The following SEMA3A variants were observed in gnomAD, a reference collection of about 807,000 sequenced individuals.
SEMA3A encodes the protein semaphorin 3A, also known as semaphorin-3A.
SEMA3A carries 29 observed loss-of-function variants against 97.9 expected under a neutral mutation model. The observed-to-expected ratio is 0.30, with a 90% confidence interval of 0.22 to 0.40. The LOEUF (loss-of-function observed/expected upper bound fraction) is 0.40, where lower values mean the gene tolerates loss of function less well. Ranked by LOEUF, SEMA3A falls within the 10% of genes least tolerant of loss-of-function variation. The pLI, the probability that SEMA3A is intolerant of heterozygous loss-of-function variation, is 1.00. For synonymous variants in SEMA3A, 321 were observed against 323.7 expected, an observed-to-expected ratio of 0.99 and a Z score of 0.09; for missense variants, 763 against 951.3, an observed-to-expected ratio of 0.80 and a Z score of 2.60.
rs374059336 is a variant in SEMA3A at position 84,264,323 on chromosome 7, G to A, written c.-83+42884C>T. On this transcript the variant is annotated intron_variant, in intron 3 of 3. Coordinates refer to the SEMA3A transcript ENST00000424555. ...GTAACCTAAAACAAACTACTTGGGG[G>A]GCCTATAACAACAATGTGGATAATT... Among the ~76,000 whole-genome samples, 9 of 151,992 alleles carry A rather than the reference G, an allele frequency of 5.9e-5. 1 individual carries two copies. Among genetic ancestry groups the A allele is most frequent in the Admixed American group, 1.3e-4 (2 of 15,264 alleles).
At chr7:84,426,392 T>A (rs1804831076) in intron 1 of SEMA3A, among the ~76,000 whole-genome samples, 1 of 152,086 alleles carries the variant, frequency 6.6e-6, no homozygotes, top group Non-Finnish European at 1.5e-5. Flanking sequence ...TAAGTATTTG[T>A]TGACTGATAT....
At chr7:84,127,742 C>A (rs1480710956) in intron 3 of SEMA3A, among the ~76,000 whole-genome samples, 1 of 152,104 alleles carries the variant, frequency 6.6e-6, no homozygotes, top group African/African-American at 2.4e-5. Context: ...AACTCTAAAT[C>A]CTTCTAAACA....
chr7:84,270,923 T>A (rs1309234196), intron 3 of SEMA3A, among the ~76,000 whole-genome samples: 4 of 151,954 alleles, frequency 2.6e-5, no homozygotes, highest in Non-Finnish European at 5.9e-5. Flanking sequence ...CTTCTTTTAA[T>A]CCTCTGATCC....
chr7:83,961,858 A>G, intron 16 of SEMA3A, 32 bp from the exon 17 acceptor site: 1 of 1,506,350 alleles, frequency 6.6e-7, no homozygotes, highest in South Asian at 1.2e-5. Flanking sequence ...AGTGTAAAAT[A>G]TACATATTTA....
chr7:84,033,066 T>C (rs1791816879), intron 6 of SEMA3A, among the ~76,000 whole-genome samples: 1 of 152,132 alleles, frequency 6.6e-6, no homozygotes, highest in Non-Finnish European at 1.5e-5. Flanking sequence ...TTACTACATA[T>C]TGTAAATACT....
intron 1 of SEMA3A, among the ~76,000 whole-genome samples, chr7:84,151,227 T>A (rs1354259766): frequency 9.7e-4 from 147 of 151,954 alleles, no homozygotes; most frequent in South Asian, 3.5e-3. Context: ...GCAACGGAAC[T>A]AAGCTGGATG....
intron 6 of SEMA3A, 139 bp downstream of exon 6, chr7:84,046,185 C>A: frequency 1.1e-6 from 1 of 881,718 alleles, no homozygotes; most frequent in South Asian, 2.4e-5. Flanking sequence ...TTTCTCACAC[C>A]CACCATCATG....
At chr7:84,434,257 A>G (rs963046636) in intron 1 of SEMA3A, among the ~76,000 whole-genome samples, 1 of 147,578 alleles carries the variant, frequency 6.8e-6, no homozygotes, top group Non-Finnish European at 1.5e-5. Flanking sequence ...ACTAGAAAAT[A>G]TAGAGGAAAT....
At chr7:84,372,299 T>C (rs1802994647) in intron 1 of SEMA3A, 3 of 152,140 alleles carry the variant, frequency 2.0e-5, no homozygotes, top group African/African-American at 7.2e-5. Context: ...TGTGACTCCC[T>C]CCTTTAATTT....
intron 3 of SEMA3A, among the ~76,000 whole-genome samples, chr7:84,255,636 T>G (rs1187751551): frequency 6.6e-6 from 1 of 152,124 alleles, no homozygotes; most frequent in Non-Finnish European, 1.5e-5. Context: ...TCTGTGTTCT[T>G]GTCATATTTC....
intron 1 of SEMA3A, among the ~76,000 whole-genome samples, chr7:84,488,714 T>C (rs1159082738): frequency 6.6e-6 from 1 of 152,134 alleles, no homozygotes; most frequent in African/African-American, 2.4e-5. Flanking sequence ...AACTCCTTCT[T>C]TACCTATAGT....
Position 84,137,400 on chromosome 7 carries a change from C to CAAAAA in SEMA3A, c.113-2454_113-2450dup, listed in dbSNP as rs59886680. Among the ~76,000 whole-genome samples the CAAAAA allele has an allele frequency of 6.5e-4, 65 of 100,582 alleles. 1 individual carries two copies. The highest frequency in any genetic ancestry group is 9.8e-4 in the Non-Finnish European group (51 of 52,194). The allele number at this position is 100,582 out of a possible 152,430, so 66.0% of individuals were successfully genotyped here. On this transcript the variant is annotated intron_variant, in intron 1 of 16. Coordinates refer to ENST00000265362, the MANE Select transcript of SEMA3A (RefSeq NM_006080.3). ...TGGGTGACAGAGCAACATTCAGTCT[C>CAAAAA]AAAAAAAAAAAAAAAAAGAAATGGC...
intron 3 of SEMA3A, among the ~76,000 whole-genome samples, chr7:84,232,015 T>G (rs1011467094): frequency 6.6e-6 from 1 of 151,614 alleles, no homozygotes; most frequent in Admixed American, 6.6e-5. Context: ...TGTGTGTATA[T>G]GTAAATATAT....
At chr7:84,325,412 T>C (rs1018992860) in intron 2 of SEMA3A, among the ~76,000 whole-genome samples, 12 of 152,044 alleles carry the variant, frequency 7.9e-5, no homozygotes, top group African/African-American at 2.4e-4. Flanking sequence ...TCTGGAAAGG[T>C]CACATTTGAA....
chr7:84,146,095 C>G (rs1171478381), intron 1 of SEMA3A, among the ~76,000 whole-genome samples: 1 of 152,152 alleles, frequency 6.6e-6, no homozygotes, highest in Non-Finnish European at 1.5e-5. Flanking sequence ...GACATCTATC[C>G]TTCGATGGAT....
intron 4 of SEMA3A, among the ~76,000 whole-genome samples, chr7:84,105,551 T>C (rs1198947772): frequency 6.6e-6 from 1 of 152,090 alleles, no homozygotes; most frequent in African/African-American, 2.4e-5. Context: ...ATTATGAGAG[T>C]ATTTATAGAG....
At chr7:84,088,914 GT>G (rs561696796) in intron 4 of SEMA3A, among the ~76,000 whole-genome samples, 4 of 147,662 alleles carry the variant, frequency 2.7e-5, no homozygotes, top group African/African-American at 1.0e-4. Flanking sequence ...TCATGTTAAT[GT>G]TTTTTTTTCA....
intron 3 of SEMA3A, among the ~76,000 whole-genome samples, chr7:84,200,165 A>G (rs1349946641): frequency 1.3e-5 from 2 of 152,064 alleles, no homozygotes; most frequent in African/African-American, 4.8e-5. Flanking sequence ...GGGGAAAAAA[A>G]AAAAGTTTTG....
rs530665151 is a variant in SEMA3A, at chr7:84,165,157, T to C, written c.112+29318A>G. Among the ~76,000 whole-genome samples the C allele has an allele frequency of 3.3e-5, 5 of 152,174 alleles. No homozygotes were observed. The East Asian group carries it at 9.6e-4, about 29-fold the overall frequency. ...TGGGAGTTGGAGGTTGAGTGAACCG[T>C]GATAGCGCCATTGCACTCCCGCCTG... is the stretch of plus-strand genomic sequence containing the variant. On this transcript the variant is annotated intron_variant, in intron 1 of 16. Transcript: ENST00000265362.
Sources: gnomAD v4.1 joint callset for allele counts (sites outside exome capture counted in the v4.1 genomes callset) on GRCh38, gnomAD v4.1.1 for gene constraint, MANE v1.5 for transcripts, NCBI Gene and HGNC (gene_info 2026-07-23, HGNC 2026-07-21) for gene names.